SYNPO2: variants seen among roughly 807,000 people sequenced by gnomAD.
The protein encoded by SYNPO2 is synaptopodin-2.
A neutral mutation model predicts 85.0 loss-of-function variants in SYNPO2; 56 were observed. That is an observed-to-expected ratio of 0.66 (90% CI 0.53 to 0.82). The LOEUF is 0.82. SYNPO2 is among the 40% of genes least tolerant of loss of function. The pLI, the probability that SYNPO2 is intolerant of heterozygous loss-of-function variation, is 0.00. For synonymous variants in SYNPO2, 602 were observed against 591.1 expected (o/e 1.02, Z -0.27); for missense variants, 1,575 against 1,534.2 (o/e 1.03, Z -0.44).
chr4:118,957,974 C>T (rs1273411230), intron 1 of SYNPO2, among the ~76,000 whole-genome samples: 1 of 152,160 alleles, frequency 6.6e-6, no homozygotes, highest in Admixed American at 6.5e-5. Context: ...AAATCCCCCT[C>T]CACTTATGTG....
At chr4:118,912,195 G>C (rs1043586323) in intron 1 of SYNPO2, among the ~76,000 whole-genome samples, 1 of 152,170 alleles carries the variant, frequency 6.6e-6, no homozygotes, top group Admixed American at 6.5e-5. Context: ...TTGTTTGTTT[G>C]TCAGAGGCAG....
chr4:118,986,597 C>A (rs865896315), intron 1 of SYNPO2, among the ~76,000 whole-genome samples: 5 of 152,278 alleles, frequency 3.3e-5, no homozygotes, highest in Middle Eastern at 3.4e-3. Context: ...TGATAATAGG[C>A]ACATGTGGCC....
At chr4:118,977,041 G>A (rs181714501) in intron 1 of SYNPO2, among the ~76,000 whole-genome samples, 2 of 152,226 alleles carry the variant, frequency 1.3e-5, no homozygotes, top group Non-Finnish European at 2.9e-5. Flanking sequence ...GTCCGGCGCC[G>A]TGCGCTCGCA....
chr4:118,903,562 T>C (rs1276767179), intron 1 of SYNPO2, among the ~76,000 whole-genome samples: 3 of 152,228 alleles, frequency 2.0e-5, no homozygotes, highest in Non-Finnish European at 4.4e-5. Flanking sequence ...TTTTCATTTT[T>C]GATAAATATG....
intron 1 of SYNPO2, among the ~76,000 whole-genome samples, chr4:118,875,172 T>G (rs1169735258): frequency 6.6e-6 from 1 of 152,240 alleles, no homozygotes; most frequent in East Asian, 1.9e-4. Context: ...TCCATGTCCT[T>G]GCAAAGGACA....
At chr4:118,956,206 A>C (rs1006560431) in intron 1 of SYNPO2, among the ~76,000 whole-genome samples, 1 of 152,166 alleles carries the variant, frequency 6.6e-6, no homozygotes, top group African/African-American at 2.4e-5. Flanking sequence ...TTTTAAAGAG[A>C]AACTGGGGGG....
intron 1 of SYNPO2, among the ~76,000 whole-genome samples, chr4:118,916,821 C>T (rs1280433312): frequency 6.9e-6 from 1 of 145,460 alleles, no homozygotes; most frequent in African/African-American, 2.5e-5. Context: ...CAGCCTTGAA[C>T]TCCTTGGTTC....
At chr4:118,876,725 CTTTCTTTCT>C (rs1173961622) in intron 1 of SYNPO2, among the ~76,000 whole-genome samples, 1 of 119,958 alleles carries the variant, frequency 8.3e-6, no homozygotes, top group African/African-American at 3.2e-5. Flanking sequence ...TTCTTTCTTT[CTTTCTTTCT>C]TTCTGCCTTT....
intron 1 of SYNPO2, among the ~76,000 whole-genome samples, chr4:118,952,576 A>G (rs1057492995): frequency 6.6e-6 from 1 of 152,176 alleles, no homozygotes; most frequent in Non-Finnish European, 1.5e-5. Flanking sequence ...CTCAAATTTC[A>G]TTCTAGTAAG....
chr4:119,046,437 C>T (rs1429152146), intron 4 of SYNPO2, among the ~76,000 whole-genome samples: 2 of 152,318 alleles, frequency 1.3e-5, no homozygotes, highest in East Asian at 3.9e-4. Context: ...GGAGGGCAGC[C>T]GGGGTTGGCA....
At chr4:118,977,037 C>G (rs970662236) in intron 1 of SYNPO2, among the ~76,000 whole-genome samples, 1 of 152,240 alleles carries the variant, frequency 6.6e-6, no homozygotes, top group Non-Finnish European at 1.5e-5. Flanking sequence ...GCCAGTCCGG[C>G]GCCGTGCGCT....
intron 1 of SYNPO2, among the ~76,000 whole-genome samples, chr4:119,018,807 T>C (rs548726096): frequency 1.2e-4 from 19 of 152,266 alleles, no homozygotes; most frequent in Middle Eastern, 3.4e-3. Flanking sequence ...AAGAGTGCAA[T>C]TGAAATGTTC....
chr4:118,976,751 G>T (rs1735763114), intron 1 of SYNPO2, among the ~76,000 whole-genome samples: 1 of 152,124 alleles, frequency 6.6e-6, no homozygotes, highest in Non-Finnish European at 1.5e-5. Flanking sequence ...GTGCTGACTG[G>T]TGTGTTTACA....
Position 119,027,073 on chromosome 4 carries a change from A to G in SYNPO2, c.704A>G (p.His235Arg), listed in dbSNP as rs1454685363. 1.2e-6 allele frequency: 2 copies of G among 1,614,056 alleles called. No homozygotes were observed. The highest frequency in any genetic ancestry group is 1.7e-6 in the Non-Finnish European group (2 of 1,180,038). ...CCTGACCCAGACCCTAACTTGTCAC[A>G]TGACAGGATTGTCCACATAAATTCG... is the stretch of plus-strand genomic sequence containing the variant. ...KSPDPDPNLSHDRIVHINSIP... is the reference protein window; with the variant it reads ...KSPDPDPNLSRDRIVHINSIP... Residue 235 changes from histidine to arginine, a missense_variant, in exon 3 of 5, where the codon CAT (histidine) becomes CGT (arginine). His to Arg is a conservative substitution (Grantham distance 29). Coordinates refer to ENST00000307142, the MANE Select transcript of SYNPO2 (RefSeq NM_133477.3).
In SYNPO2 at chr4:119,059,253, G is replaced by T. The variant is rs567713072; in HGVS notation, c.*1319G>T. 5 of 152,264 alleles carry T rather than the reference G, an allele frequency of 3.3e-5. No individual in the cohort carries two copies. The highest frequency in any genetic ancestry group is 1.2e-4 in the African/African-American group (5 of 41,552). 9.4% of individuals were successfully genotyped at this position (152,264 alleles called of 1,614,324 possible). On this transcript the variant is annotated 3_prime_UTR_variant, in exon 5 of 5. Coordinates refer to ENST00000307142, the MANE Select transcript of SYNPO2 (RefSeq NM_133477.3). ...GATGTGAAGATTTAAAACGATTGAT[G>T]GATTTAAGGAAGTGGTACATAAATA...
intron 1 of SYNPO2, among the ~76,000 whole-genome samples, chr4:118,920,538 A>G (rs751284794): frequency 6.6e-6 from 1 of 152,188 alleles, no homozygotes; most frequent in Non-Finnish European, 1.5e-5. Flanking sequence ...TGTCTTGGAC[A>G]GAACTCTAAG....
At chr4:119,042,370 G>A (rs1578672714) in intron 4 of SYNPO2, 1 of 152,116 alleles carries the variant, frequency 6.6e-6, no homozygotes, top group Non-Finnish European at 1.5e-5. Flanking sequence ...AAAAGAGATT[G>A]AATTTCCTTG....
chr4:118,956,563 C>T (rs1734883654), intron 1 of SYNPO2, among the ~76,000 whole-genome samples: 1 of 152,062 alleles, frequency 6.6e-6, no homozygotes, highest in Non-Finnish European at 1.5e-5. Context: ...TTATTCTTAG[C>T]CAGGCAATTA....
chr4:119,017,776 C>A (rs527476897), intron 1 of SYNPO2, among the ~76,000 whole-genome samples: 1 of 152,266 alleles, frequency 6.6e-6, no homozygotes, highest in Admixed American at 6.5e-5. Context: ...CTGACATTTT[C>A]CAACAGTACT....
Sources: gnomAD v4.1 joint callset for allele counts (sites outside exome capture counted in the v4.1 genomes callset) on GRCh38, gnomAD v4.1.1 for gene constraint, MANE v1.5 for transcripts, NCBI Gene and HGNC (gene_info 2026-07-23, HGNC 2026-07-21) for gene names.